Variants in TPM1 observed in about 807,000 individuals in gnomAD.
TPM1 encodes the protein tropomyosin 1, also known as tropomyosin alpha-1 chain.
Under a neutral mutation model 42.9 loss-of-function variants are expected in TPM1, and 24 were observed. The observed-to-expected ratio is 0.56, with a 90% CI of 0.41 to 0.79. TPM1 has a LOEUF of 0.79. Among genes scored for constraint, TPM1 ranks in the 30% least tolerant of loss-of-function variants. TPM1 has a pLI of 0.00. For synonymous variants in TPM1, 136 were observed against 130.1 expected (o/e 1.05, Z -0.31); for missense variants, 158 against 351.8 (o/e 0.45, Z 4.41).
At chr15:63,070,922 C>T (rs2036575245), downstream of TPM1, 4 of 1,413,506 alleles carry the variant, frequency 2.8e-6, no homozygotes, top group Admixed American at 2.5e-5. Context: ...AGATGCCCTC[C>T]CCTCCGTCTT....
At chr15:63,071,349 C>T (rs571161766) in exon 9 of TPM1, 10 of 634,734 alleles carry the variant, frequency 1.6e-5, no homozygotes, top group African/African-American at 5.5e-5. Flanking sequence ...CATGTCAGGG[C>T]GATCCTGGTT....
intron 2 of TPM1, chr15:63,047,958 T>C: frequency 2.8e-5 from 8 of 283,160 alleles, no homozygotes; most frequent in South Asian, 2.2e-4. Context: ...ACCACTGTGC[T>C]CTACACGCGG....
At chr15:63,061,284 C>G (rs747794731) in intron 5 of TPM1, 5 of 1,613,852 alleles carry the variant, frequency 3.1e-6, no homozygotes, top group Non-Finnish European at 8.5e-7. Flanking sequence ...GTACTGATGG[C>G]TCGTGTGGTT....
chr15:63,044,474 G>A (rs1013634327), intron 2 of TPM1: 14 of 586,546 alleles, frequency 2.4e-5, no homozygotes, highest in African/African-American at 2.0e-4. Context: ...AAACCCTTGA[G>A]GTGTCATCAC....
intron 1 of TPM1, chr15:63,043,246 C>T (rs903604844): frequency 3.9e-6 from 2 of 516,858 alleles, no homozygotes; most frequent in Admixed American, 2.8e-5. Context: ...GGAGGACACC[C>T]GGTTCCTGGG....
chr15:63,045,143 G>T (rs949553207), intron 2 of TPM1: 8 of 152,074 alleles, frequency 5.3e-5, no homozygotes, highest in African/African-American at 1.9e-4. Context: ...TATGCCAGCA[G>T]TTGAAACACC....
At chr15:63,043,504 C>T in intron 1 of TPM1, 2 of 816,292 alleles carry the variant, frequency 2.5e-6, no homozygotes, top group Non-Finnish European at 4.1e-6. Flanking sequence ...GCAGGAGTCT[C>T]GTCCCAGGGC....
intron 2 of TPM1, among the ~76,000 whole-genome samples, chr15:63,050,050 C>G (rs556457838): frequency 6.6e-6 from 1 of 152,270 alleles, no homozygotes; most frequent in East Asian, 1.9e-4. Context: ...GTTTCAGTTC[C>G]CTGTGTGTAA....
chr15:63,059,696 C>G lies in TPM1; in HGVS notation c.492+16C>G. The G allele has an allele frequency of 1.3e-6, 2 of 1,585,892 alleles. No homozygotes were observed. Among genetic ancestry groups the G allele is most frequent in the Non-Finnish European group, 1.7e-6 (2 of 1,157,170 alleles). On this transcript the variant is annotated intron_variant, in intron 4 of 9. Coordinates refer to ENST00000403994, the MANE Select transcript of TPM1 (RefSeq NM_001018005.2). Reference sequence around the variant, plus strand: ...ATATGAAGAGGTCAGATCCTGGGGCCCAAAGCCTTGTGGACACCCAGCAGT... The same window carrying G: ...ATATGAAGAGGTCAGATCCTGGGGCGCAAAGCCTTGTGGACACCCAGCAGT...
At position 63,042,820 on chromosome 15, in the gene TPM1, C is replaced by G; in HGVS notation, c.-10C>G. On this transcript the variant is annotated 5_prime_UTR_variant, in exon 1 of 10. Transcript: ENST00000403994. Reference sequence around the variant, plus strand: ...CTGCTGCAGCCCCAGGGCCCCTCGCCGCCGCCACCATGGACGCCATCAAGA... The same window carrying G: ...CTGCTGCAGCCCCAGGGCCCCTCGCGGCCGCCACCATGGACGCCATCAAGA... 1 of 1,611,618 alleles carries G rather than the reference C, an allele frequency of 6.2e-7. No individual in the cohort carries two copies. The highest frequency in any genetic ancestry group is 8.5e-7 in the Non-Finnish European group (1 of 1,178,372).
At chr15:63,071,688 C>T in exon 9 of TPM1, 1 of 178,070 alleles carries the variant, frequency 5.6e-6, no homozygotes, top group Non-Finnish European at 1.2e-5. Context: ...GGTCTGTAAG[C>T]CACGCTGCTC....
At chr15:63,068,064 G>T (rs1391830985), downstream of TPM1, among the ~76,000 whole-genome samples, 1 of 152,204 alleles carries the variant, frequency 6.6e-6, no homozygotes, top group Non-Finnish European at 1.5e-5. Context: ...AAACATTTGG[G>T]CTCAGCAAAC....
chr15:63,064,822 C>T, intron 9 of TPM1: 1 of 536,940 alleles, frequency 1.9e-6, no homozygotes, highest in Non-Finnish European at 2.4e-6. Flanking sequence ...AAAAAATTAG[C>T]CGGGCGTGGT....
rs375043184 is a variant in TPM1 at position 63,064,148 on chromosome 15, C to A, written c.851+6C>A. ...CTCAACGATATGACTTCCATGTAAA[C>A]GTTCATCCACTCTGCCTGCTTACAC... On this transcript the variant is annotated splice_donor_region_variant and intron_variant, in intron 9 of 9. Coordinates refer to ENST00000403994, the MANE Select transcript of TPM1 (RefSeq NM_001018005.2). The A allele has an allele frequency of 2.5e-5, 40 of 1,613,324 alleles. No homozygotes were observed. The highest frequency in any genetic ancestry group is 6.7e-5 in the East Asian group (3 of 44,876).
chr15:63,066,881 G>A (rs1333742117), downstream of TPM1, among the ~76,000 whole-genome samples: 2 of 128,034 alleles, frequency 1.6e-5, no homozygotes, highest in Non-Finnish European at 3.3e-5. Context: ...TTAAAATATA[G>A]CAATGAAAGT....
chr15:63,052,532 A>G (rs1195368679), intron 2 of TPM1, among the ~76,000 whole-genome samples: 2 of 20,124 alleles, frequency 9.9e-5, no homozygotes, highest in African/African-American at 2.7e-4. Context: ...CAAAGAAAAA[A>G]GAAGAAGAAG....
At chr15:63,062,733 T>A (rs1354480526) in intron 8 of TPM1, 88 bp downstream of exon 8, 1 of 1,606,292 alleles carries the variant, frequency 6.2e-7, no homozygotes. Flanking sequence ...GGCATCCACA[T>A]TGATACGCTC....
chr15:63,053,750 C>T (rs906341982), intron 2 of TPM1, among the ~76,000 whole-genome samples: 3 of 146,790 alleles, frequency 2.0e-5, no homozygotes, highest in Non-Finnish European at 4.5e-5. Context: ...GGCATGATCT[C>T]GGCTCACTGC....
chr15:63,064,075 G>A lies in TPM1; in HGVS notation c.784G>A (p.Ala262Thr), dbSNP rs758506771. The A allele has an allele frequency of 5.6e-6, 9 of 1,613,960 alleles. No individual in the cohort carries two copies. Among genetic ancestry groups the A allele is most frequent in the East Asian group, 4.5e-5 (2 of 44,880 alleles). Residue 262 changes from alanine (A) to threonine (T), a missense_variant, in exon 9 of 10, where the codon GCT becomes ACT. By Grantham distance (58) the Ala-to-Thr change is moderately conservative. Transcript: ENST00000403994. Reference protein sequence around the residue: ...SIDDLEDELYAQKLKYKAISE... With the variant: ...SIDDLEDELYTQKLKYKAISE... ...CTTCCTGGTCATAGACGAGCTGTAC[G>A]CTCAGAAACTGAAGTACAAAGCCAT...
Sources: allele counts gnomAD v4.1 joint callset (sites outside exome capture counted in the v4.1 genomes callset), GRCh38; gene constraint gnomAD v4.1.1; transcripts MANE v1.5; gene names NCBI Gene and HGNC (gene_info 2026-07-23, HGNC 2026-07-21).